The following ADAMTS19 variants were observed in gnomAD, a reference collection of about 807,000 sequenced individuals.
ADAMTS19 encodes the protein A disintegrin and metalloproteinase with thrombospondin motifs 19.
ADAMTS19 carries 93 observed loss-of-function variants against 153.3 expected under a neutral mutation model. The ratio of observed to expected loss-of-function variants is 0.61; its 90% CI spans 0.51 to 0.72. The LOEUF is 0.72. Ranked by LOEUF, ADAMTS19 falls within the 30% of genes least tolerant of loss-of-function variation. The probability of loss-of-function intolerance (pLI) is 0.00; values close to 1 mark genes in which losing one functional copy is unlikely to be tolerated. For synonymous variants in ADAMTS19, 600 were observed against 556.6 expected, an observed-to-expected ratio of 1.08 and a Z score of -1.10; for missense variants, 1,482 against 1,552.1, an observed-to-expected ratio of 0.95 and a Z score of 0.76.
At chr5:129,733,606 T>C (rs946853279) in intron 21 of ADAMTS19, among the ~76,000 whole-genome samples, 5 of 151,868 alleles carry the variant, frequency 3.3e-5, no homozygotes, top group East Asian at 1.9e-4. Flanking sequence ...CAAAATGAGA[T>C]ACCATCTCAT....
At chr5:129,608,116 G>GTGTGTGTGTGTATATATATA (rs377008786) in intron 8 of ADAMTS19, among the ~76,000 whole-genome samples, 26 of 47,946 alleles carry the variant, frequency 5.4e-4, no homozygotes, top group Non-Finnish European at 1.1e-3. Context: ...GTGTGTGTGT[G>GTGTGTGTGTGTATATATATA]TATATATATA....
intron 2 of ADAMTS19, among the ~76,000 whole-genome samples, chr5:129,481,152 C>G (rs10040321): frequency 0.12 from 17,506 of 152,100 alleles, 1,147 homozygotes; most frequent in African/African-American, 0.16. Context: ...AATTGACTCA[C>G]GGTTCAGCAT....
intron 6 of ADAMTS19, among the ~76,000 whole-genome samples, chr5:129,543,941 A>C (rs2126804616): frequency 6.6e-6 from 1 of 151,836 alleles, no homozygotes; most frequent in African/African-American, 2.4e-5. Context: ...AGTTTACATT[A>C]AGTTCATTTT....
At chr5:129,528,700 A>G in intron 6 of ADAMTS19, 23 bp downstream of exon 6, 1 of 1,570,362 alleles carries the variant, frequency 6.4e-7, no homozygotes. Context: ...ATGCCAATTA[A>G]ATGGCATTCC....
rs200248424 is a variant in ADAMTS19 at position 129,622,234 on chromosome 5, G to A, written c.1656G>A (p.Pro552=). ...GTAACTGCTTGCTACAAACAAATCC[G>A]CAGAGTGTCAATTCTGTGATGGTTC... The part of the protein sequence containing the change: ...KASNCLLQTN[P]QSVNSVMVPS... The change falls in exon 10 of 23, where the codon CCG becomes CCA. Residue 552 remains proline, a synonymous_variant. Coordinates refer to ENST00000274487, the MANE Select transcript of ADAMTS19 (RefSeq NM_133638.6). 1.3e-5 allele frequency: 21 copies of A among 1,614,000 alleles called. No individual in the cohort carries two copies. Among genetic ancestry groups the A allele is most frequent in the Non-Finnish European group, 1.7e-5 (20 of 1,179,970 alleles).
chr5:129,480,876 T>C (rs149935907), intron 2 of ADAMTS19, among the ~76,000 whole-genome samples: 316 of 152,192 alleles, frequency 2.1e-3, no homozygotes, highest in African/African-American at 6.8e-3. Flanking sequence ...TTGTATGAGA[T>C]TCTAAGAAGG....
intron 16 of ADAMTS19, among the ~76,000 whole-genome samples, chr5:129,675,426 T>A (rs1402498365): frequency 6.6e-6 from 1 of 152,182 alleles, no homozygotes; most frequent in Non-Finnish European, 1.5e-5. Flanking sequence ...TATGGTCTGT[T>A]CATTTTTTTA....
chr5:129,622,644 C>T (rs937834997), intron 10 of ADAMTS19, among the ~76,000 whole-genome samples: 2 of 151,970 alleles, frequency 1.3e-5, no homozygotes, highest in African/African-American at 2.4e-5. Flanking sequence ...ATTTTAAATC[C>T]CATACAGTTT....
chr5:129,662,888 A>ATTCTT (rs1554103779), intron 15 of ADAMTS19, among the ~76,000 whole-genome samples: 4 of 92,896 alleles, frequency 4.3e-5, no homozygotes, highest in Admixed American at 4.0e-4. Flanking sequence ...ATTCTTCTTC[A>ATTCTT]TTTTTTTTTT....
chr5:129,517,976 G>T (rs1366563214), intron 3 of ADAMTS19, among the ~76,000 whole-genome samples: 1 of 151,868 alleles, frequency 6.6e-6, no homozygotes, highest in Non-Finnish European at 1.5e-5. Flanking sequence ...TGGGTTTGAG[G>T]TTACCATGAG....
At chr5:129,569,039 C>G (rs1486855006) in intron 7 of ADAMTS19, among the ~76,000 whole-genome samples, 1 of 151,854 alleles carries the variant, frequency 6.6e-6, no homozygotes, top group Non-Finnish European at 1.5e-5. Flanking sequence ...AACTGATTAA[C>G]AATTCAAAGA....
chr5:129,569,142 T>C (rs1753810594), intron 7 of ADAMTS19, among the ~76,000 whole-genome samples: 1 of 151,734 alleles, frequency 6.6e-6, no homozygotes, highest in South Asian at 2.1e-4. Context: ...GAAAAAGTAG[T>C]AAAAAGTAAA....
At chr5:129,681,607 G>A (rs1213003826) in intron 17 of ADAMTS19, among the ~76,000 whole-genome samples, 2 of 152,094 alleles carry the variant, frequency 1.3e-5, no homozygotes, top group Admixed American at 6.6e-5. Flanking sequence ...TGTCCAATAA[G>A]TTATTTAGCT....
At chr5:129,679,581 G>A (rs544472702) in intron 16 of ADAMTS19, among the ~76,000 whole-genome samples, 183 bp from the exon 17 acceptor site, 1 of 152,340 alleles carries the variant, frequency 6.6e-6, no homozygotes, top group South Asian at 2.1e-4. Context: ...GGACAGGAGA[G>A]CTATGGCATC....
In ADAMTS19 at chr5:129,460,475, C is replaced by G. The variant is rs140890287; in HGVS notation, c.84C>G (p.Ile28Met). The G allele has an allele frequency of 1.6e-5, 26 of 1,613,994 alleles. No individual in the cohort carries two copies. The highest frequency in any genetic ancestry group is 2.0e-5 in the Non-Finnish European group (24 of 1,180,014). The change falls in exon 1 of 23, where the codon ATC becomes ATG. Residue 28 changes from isoleucine to methionine, a missense_variant. By Grantham distance (10) the Ile-to-Met change is conservative. This residue lies in a region of ADAMTS19 where 866 missense variants were observed against 827.7 expected (regional missense o/e 1.05). Coordinates refer to ENST00000274487, the MANE Select transcript of ADAMTS19 (RefSeq NM_133638.6). ...AGCTGGGGTTCCTGTCGAATGGGAT[C>G]GTTTCAGGTAAGTTCTTCCGTGACT... ...LYQLGFLSNG[I>M]VSELQFAPDR...
intron 10 of ADAMTS19, among the ~76,000 whole-genome samples, chr5:129,631,525 G>T (rs959093468): frequency 2.0e-5 from 3 of 151,906 alleles, no homozygotes; most frequent in African/African-American, 7.2e-5. Context: ...TTTATTGCAA[G>T]ACACTAATAC....
intron 1 of ADAMTS19, 77 bp downstream of exon 1, chr5:129,460,559 T>G (rs1749613446): frequency 3.2e-6 from 5 of 1,539,530 alleles, no homozygotes; most frequent in Non-Finnish European, 4.5e-6. Context: ...TCGGCAGGGC[T>G]GGTGCAACCG....
At chr5:129,647,213 A>C (rs1320012821) in intron 11 of ADAMTS19, among the ~76,000 whole-genome samples, 3 of 83,872 alleles carry the variant, frequency 3.6e-5, no homozygotes, top group African/African-American at 1.1e-4. Flanking sequence ...GAATTCTTTC[A>C]GAAAAAAAAA....
intron 10 of ADAMTS19, among the ~76,000 whole-genome samples, chr5:129,634,363 G>A (rs1290474221): frequency 6.6e-6 from 1 of 152,096 alleles, no homozygotes; most frequent in Non-Finnish European, 1.5e-5. Context: ...ACTGCCCAAA[G>A]CAATTTATAG....
Sources: allele counts gnomAD v4.1 joint callset (sites outside exome capture counted in the v4.1 genomes callset), GRCh38; gene constraint gnomAD v4.1.1; regional missense constraint gnomAD v4.1.1; transcripts MANE v1.5; gene names NCBI Gene and HGNC (gene_info 2026-07-23, HGNC 2026-07-21).